PTPRD: variants seen among roughly 807,000 people sequenced by gnomAD.
PTPRD encodes receptor-type tyrosine-protein phosphatase delta.
PTPRD carries 34 observed loss-of-function variants against 214.5 expected under a neutral mutation model. The observed-to-expected ratio is 0.16, with a 90% CI of 0.12 to 0.21. The LOEUF is 0.21. Ranked by LOEUF, PTPRD falls within the 10% of genes least tolerant of loss-of-function variation. PTPRD has a pLI of 1.00. For missense variants in PTPRD, 2,545 were observed against 2,398.7 expected, an observed-to-expected ratio of 1.06 and a Z score of -1.27; for synonymous variants, 1,128 against 845.7, an observed-to-expected ratio of 1.33 and a Z score of -5.79.
At chr9:9,898,401 G>A (rs2075579071) in intron 5 of PTPRD, among the ~76,000 whole-genome samples, 2 of 151,948 alleles carry the variant, frequency 1.3e-5, no homozygotes, top group Admixed American at 6.6e-5. Context: ...ATCAATAAAA[G>A]CAGGACTCAC....
intron 14 of PTPRD, among the ~76,000 whole-genome samples, chr9:8,553,368 T>G (rs1173138476): frequency 1.3e-5 from 2 of 152,178 alleles, no homozygotes; most frequent in East Asian, 1.9e-4. Flanking sequence ...GCTCAAACAG[T>G]GGGCCTGAGT....
chr9:10,127,414 G>C (rs1172369340), intron 3 of PTPRD, among the ~76,000 whole-genome samples: 5 of 152,236 alleles, frequency 3.3e-5, no homozygotes, highest in East Asian at 1.9e-4. Flanking sequence ...CTTTAGGATA[G>C]TCACTTATAT....
intron 11 of PTPRD, among the ~76,000 whole-genome samples, chr9:8,918,868 A>G (rs1008525452): frequency 1.3e-5 from 2 of 152,144 alleles, no homozygotes; most frequent in Admixed American, 1.3e-4. Flanking sequence ...ATTTCTATCT[A>G]GTACAAGTCA....
intron 2 of PTPRD, among the ~76,000 whole-genome samples, chr9:10,583,099 A>T (rs2132489973): frequency 6.6e-6 from 1 of 152,310 alleles, no homozygotes; most frequent in Non-Finnish European, 1.5e-5. Context: ...CACAGAGGTG[A>T]AGAGTTGGGT....
chr9:9,970,762 G>C (rs554182037), intron 4 of PTPRD, among the ~76,000 whole-genome samples: 14 of 152,154 alleles, frequency 9.2e-5, no homozygotes, highest in Non-Finnish European at 1.0e-4. Context: ...GGAAGGCAGA[G>C]CTTCTGGAGT....
chr9:10,219,950 G>C (rs945189842), intron 3 of PTPRD, among the ~76,000 whole-genome samples: 4 of 151,690 alleles, frequency 2.6e-5, no homozygotes, highest in Non-Finnish European at 5.9e-5. Flanking sequence ...ATCTGGATAG[G>C]AGTATGATCT....
At chr9:8,353,864 A>ATGTATATATGTATATATGTATATATG (rs2076228834) in intron 39 of PTPRD, among the ~76,000 whole-genome samples, 1 of 102,936 alleles carries the variant, frequency 9.7e-6, no homozygotes, top group South Asian at 3.4e-4. Flanking sequence ...ATGTGTATAT[A>ATGTATATATGTATATATGTATATATG]TGTATATATG....
intron 3 of PTPRD, among the ~76,000 whole-genome samples, chr9:10,106,980 G>A (rs1774282475): frequency 6.6e-6 from 1 of 151,830 alleles, no homozygotes; most frequent in African/African-American, 2.4e-5. Flanking sequence ...TGTAAAGGAT[G>A]AGATATTAAC....
intron 7 of PTPRD, among the ~76,000 whole-genome samples, chr9:9,700,742 G>C (rs2097482801): frequency 6.6e-6 from 1 of 151,446 alleles, no homozygotes; most frequent in Non-Finnish European, 1.5e-5. Context: ...AAATGGTCTT[G>C]TTTTCTGACC....
Position 9,015,286 on chromosome 9 carries a change from T to A in PTPRD, c.-104+3411A>T, listed in dbSNP as rs114924032. ...GATGAGATAGGAGGTCAACACAAGATACAGATCATAAAGACGTTGCTGATA... is the reference window on the plus strand; with the variant it reads ...GATGAGATAGGAGGTCAACACAAGAAACAGATCATAAAGACGTTGCTGATA... On this transcript the variant is annotated intron_variant, in intron 11 of 45. Transcript: ENST00000381196. 1.3e-3 allele frequency among the ~76,000 whole-genome samples: 201 copies of A among 152,124 alleles called. 1 individual carries two copies. Among genetic ancestry groups the A allele is most frequent in the Non-Finnish European group, 2.4e-3 (164 of 68,012 alleles).
At chr9:10,263,659 T>A (rs890870262) in intron 3 of PTPRD, among the ~76,000 whole-genome samples, 2 of 152,146 alleles carry the variant, frequency 1.3e-5, no homozygotes, top group Non-Finnish European at 2.9e-5. Context: ...TTGGAAAATT[T>A]GCAGCCTGAC....
intron 12 of PTPRD, among the ~76,000 whole-genome samples, chr9:8,674,769 A>G (rs894952661): frequency 3.3e-5 from 5 of 152,144 alleles, no homozygotes; most frequent in African/African-American, 1.2e-4. Context: ...AATGCTTCTC[A>G]TTTCACAAGG....
intron 5 of PTPRD, among the ~76,000 whole-genome samples, chr9:9,788,738 A>G (rs1014003144): frequency 6.6e-6 from 1 of 152,108 alleles, no homozygotes; most frequent in Admixed American, 6.6e-5. Context: ...CCAGGTGGTT[A>G]TAACATTTTA....
intron 12 of PTPRD, among the ~76,000 whole-genome samples, chr9:8,665,366 G>A (rs2097149921): frequency 1.3e-5 from 2 of 152,150 alleles, no homozygotes; most frequent in Admixed American, 6.5e-5. Context: ...ATGTCCACTT[G>A]AAACTGTATT....
intron 39 of PTPRD, among the ~76,000 whole-genome samples, chr9:8,372,547 G>C (rs2081876066): frequency 6.6e-6 from 1 of 152,018 alleles, no homozygotes; most frequent in Admixed American, 6.6e-5. Context: ...TACTTAGGCA[G>C]TCTATCTCTC....
intron 2 of PTPRD, among the ~76,000 whole-genome samples, chr9:10,524,563 A>G (rs529208521): frequency 2.0e-5 from 3 of 152,066 alleles, no homozygotes; most frequent in Non-Finnish European, 4.4e-5. Flanking sequence ...TATGAAGTCA[A>G]TGTTGTATTC....
chr9:8,897,557 G>T (rs534423904), intron 11 of PTPRD, among the ~76,000 whole-genome samples: 2 of 152,130 alleles, frequency 1.3e-5, no homozygotes, highest in Non-Finnish European at 2.9e-5. Context: ...GAGGGCCTTC[G>T]CCATGAGCTG....
At chr9:8,736,953 C>A (rs1744674358) in intron 11 of PTPRD, among the ~76,000 whole-genome samples, 1 of 152,178 alleles carries the variant, frequency 6.6e-6, no homozygotes, top group African/African-American at 2.4e-5. Flanking sequence ...ATCCTCATGC[C>A]AGCATTTCAA....
chr9:9,514,025 C>A (rs1023545164), intron 8 of PTPRD, among the ~76,000 whole-genome samples: 1 of 151,988 alleles, frequency 6.6e-6, no homozygotes, highest in African/African-American at 2.4e-5. Context: ...CCTGGAGAGC[C>A]TTAATTCTAT....
Sources: allele counts gnomAD v4.1 joint callset (sites outside exome capture counted in the v4.1 genomes callset), GRCh38; gene constraint gnomAD v4.1.1; transcripts MANE v1.5; gene names NCBI Gene and HGNC (gene_info 2026-07-23, HGNC 2026-07-21).